Variants in ACSS1 observed in about 807,000 individuals in gnomAD.
ACSS1 encodes the protein acetyl-coenzyme A synthetase 2-like, mitochondrial.
A neutral mutation model predicts 75.3 loss-of-function variants in ACSS1; 42 were observed. The observed-to-expected ratio is 0.56, with a 90% CI of 0.44 to 0.72. The LOEUF (loss-of-function observed/expected upper bound fraction) is 0.72, where lower values mean the gene tolerates loss of function less well. ACSS1 is among the 30% of genes least tolerant of loss of function. The probability of loss-of-function intolerance (pLI) is 0.00; values close to 1 mark genes in which losing one functional copy is unlikely to be tolerated. For synonymous variants in ACSS1, 380 were observed against 376.8 expected (o/e 1.01, Z -0.10); for missense variants, 782 against 935.7 (o/e 0.84, Z 2.14).
In ACSS1 at chr20:25,023,204, G is replaced by A. The variant is rs577790179; in HGVS notation, c.808-112C>T. On this transcript the variant is annotated intron_variant, in intron 4 of 13. Transcript: ENST00000323482. ...ACAGGATTCAGAATTCACCTGCTCT[G>A]ACCTGTCCAAGTTCAATTCCAAATG... 239 of 1,364,394 alleles carry A rather than the reference G, an allele frequency of 1.8e-4. 4 individuals carry two copies. In the South Asian group the frequency reaches 2.8e-3, roughly 16 times the overall value. 84.5% of individuals were successfully genotyped at this position (1,364,394 alleles called of 1,614,324 possible). A position where few individuals can be genotyped will look rare whatever the true frequency, so the allele number is the denominator to read the frequency against.
intron 5 of ACSS1, among the ~76,000 whole-genome samples, 197 bp downstream of exon 5, chr20:25,022,743 G>A (rs185836477): frequency 1.0e-4 from 16 of 152,384 alleles, no homozygotes; most frequent in African/African-American, 3.4e-4. Context: ...TCCAGACAGT[G>A]CAGTGGGGGC....
At chr20:25,041,184 G>A (rs1360332425) in intron 2 of ACSS1, among the ~76,000 whole-genome samples, 1 of 151,354 alleles carries the variant, frequency 6.6e-6, no homozygotes, top group Non-Finnish European at 1.5e-5. Flanking sequence ...CGTGAACCCA[G>A]GAGGCGGAGC....
chr20:25,021,503 C>T lies in ACSS1; in HGVS notation c.994G>A (p.Gly332Ser), dbSNP rs1220392279. 6.2e-7 allele frequency: 1 copy of T among 1,614,172 alleles called. No individual in the cohort carries two copies. The highest frequency in any genetic ancestry group is 1.7e-5 in the Admixed American group (1 of 60,018). Residue 332 changes from glycine to serine, a missense_variant, in exon 6 of 14, where the codon GGC becomes AGC. Gly to Ser is a moderately conservative substitution (Grantham distance 56). Around this residue, in one of 2 missense-constraint regions of ACSS1, gnomAD observed 405 missense variants for 552.6 expected, o/e 0.73. Transcript: ENST00000323482. ...ATCCAACCGATGTCGGCCACACAGCCAAAGATGTCACCTGGCTGGTGGTCA... is the reference window on the plus strand; with the variant it reads ...ATCCAACCGATGTCGGCCACACAGCTAAAGATGTCACCTGGCTGGTGGTCA... ...VFDHQPGDIF[G>S]CVADIGWITG... is the part of the protein sequence containing the mutation.
chr20:25,013,834 G>A (rs2088465965), intron 9 of ACSS1, 127 bp downstream of exon 9: 1 of 1,331,534 alleles, frequency 7.5e-7, no homozygotes. Context: ...CAGCTGCAGT[G>A]AACGCTGCAA....
At chr20:25,050,873 C>T (rs912323066) in intron 1 of ACSS1, among the ~76,000 whole-genome samples, 3 of 152,164 alleles carry the variant, frequency 2.0e-5, no homozygotes, top group Non-Finnish European at 4.4e-5. Context: ...GGATGGACAG[C>T]ACCCAGGTGC....
chr20:25,053,996 A>G (rs1399394529), intron 1 of ACSS1, among the ~76,000 whole-genome samples: 2 of 152,296 alleles, frequency 1.3e-5, no homozygotes, highest in Admixed American at 6.5e-5. Context: ...TACAAAGGAC[A>G]GAGCCAAATT....
In ACSS1 at chr20:25,007,899, G is replaced by T. The variant is rs537540975; in HGVS notation, c.1933C>A (p.Arg645=). Residue 645 remains arginine (R), a synonymous_variant, in exon 14 of 14, where the codon CGG becomes AGG. Transcript: ENST00000323482. ...LPKTRSGKVM[R]RLLRKIITSE... ...GTGATGATCTTCCTCAGGAGCCGCC[G>T]CATGACCTTCCCAGACCTGGTTTTT... 3.1e-6 allele frequency: 5 copies of T among 1,614,192 alleles called. No homozygotes were observed. The highest frequency in any genetic ancestry group is 4.2e-6 in the Non-Finnish European group (5 of 1,180,026).
chr20:25,019,724 G>T (rs953938312), intron 7 of ACSS1, among the ~76,000 whole-genome samples: 6 of 152,218 alleles, frequency 3.9e-5, no homozygotes, highest in African/African-American at 1.4e-4. Context: ...TATTGAGTGG[G>T]TAAGTATTCC....
At chr20:25,036,384 G>T (rs1264999975) in intron 2 of ACSS1, among the ~76,000 whole-genome samples, 1 of 152,102 alleles carries the variant, frequency 6.6e-6, no homozygotes, top group African/African-American at 2.4e-5. Flanking sequence ...AAGTAATTGT[G>T]ACCAACACGA....
At chr20:25,012,110 G>GCT (rs1161909588) in intron 12 of ACSS1, 2 of 164,990 alleles carry the variant, frequency 1.2e-5, no homozygotes, top group African/African-American at 4.8e-5. Context: ...CTGTGCAGTG[G>GCT]GAACCACAGG....
At chr20:25,032,539 G>A (rs1213814597) in intron 2 of ACSS1, 2 of 1,252,650 alleles carry the variant, frequency 1.6e-6, no homozygotes, top group Non-Finnish European at 2.0e-6. Context: ...ACAGAACGAA[G>A]AATGAGGGGA....
intron 3 of ACSS1, among the ~76,000 whole-genome samples, chr20:25,027,758 G>A (rs1411884828): frequency 7.5e-6 from 1 of 133,028 alleles, no homozygotes; most frequent in Non-Finnish European, 1.6e-5. Flanking sequence ...TGTAAACAAA[G>A]TTGTTGCCAG....
chr20:25,056,120 A>G (rs1217808343), intron 1 of ACSS1, among the ~76,000 whole-genome samples: 2 of 152,214 alleles, frequency 1.3e-5, no homozygotes, highest in Non-Finnish European at 2.9e-5. Flanking sequence ...CCTGATCCTG[A>G]CCGAGCGAGG....
intron 12 of ACSS1, 92 bp from the exon 13 acceptor site, chr20:25,009,480 C>T (rs2088369159): frequency 8.7e-6 from 9 of 1,029,098 alleles, no homozygotes; most frequent in Middle Eastern, 2.2e-4. Context: ...GCCAGAAATC[C>T]GAAGGGCTTT....
At chr20:25,021,663 T>A (rs2088627870) in intron 5 of ACSS1, 127 bp from the exon 6 acceptor site, 1 of 1,214,962 alleles carries the variant, frequency 8.2e-7, no homozygotes, top group East Asian at 2.5e-5. Flanking sequence ...GCTCCTCAAA[T>A]GGCCTCCAGC....
Position 25,057,777 on chromosome 20 carries a change from T to C in ACSS1, c.326A>G (p.Asn109Ser), listed in dbSNP as rs2089264756. 6.3e-7 allele frequency: 1 copy of C among 1,580,212 alleles called. No individual in the cohort carries two copies. Among genetic ancestry groups the C allele is most frequent in the Non-Finnish European group, 8.6e-7 (1 of 1,156,254 alleles). The change falls in exon 1 of 14, where the codon AAT becomes AGT. Residue 109 changes from asparagine (N) to serine (S), a missense_variant. Coordinates refer to ENST00000323482, the MANE Select transcript of ACSS1 (RefSeq NM_032501.4). ...KIGWFLGGQL[N>S]VSVNCLDQHV... ...TCCCGAAGCCCACTCACCAGAGACA[T>C]TTAACTGGCCTCCCAGGAACCAGCC...
At chr20:25,045,420 CT>C (rs2089071620) in intron 2 of ACSS1, among the ~76,000 whole-genome samples, 1 of 152,230 alleles carries the variant, frequency 6.6e-6, no homozygotes, top group Non-Finnish European at 1.5e-5. Context: ...TCACCTGTGC[CT>C]AAGGTCACGG....
chr20:25,009,236 A>G, intron 13 of ACSS1, 34 bp downstream of exon 13: 1 of 1,500,964 alleles, frequency 6.7e-7, no homozygotes, highest in Non-Finnish European at 9.3e-7. Context: ...GAAGAACAGC[A>G]GCACAGCCCC....
chr20:25,037,526 A>G (rs958217434), intron 2 of ACSS1, among the ~76,000 whole-genome samples: 1 of 152,194 alleles, frequency 6.6e-6, no homozygotes, highest in Non-Finnish European at 1.5e-5. Context: ...GACACAAAGC[A>G]TTTCCTCAGG....
Sources: gnomAD v4.1 joint callset for allele counts (sites outside exome capture counted in the v4.1 genomes callset) on GRCh38, gnomAD v4.1.1 for gene constraint, gnomAD v4.1.1 regional missense constraint, MANE v1.5 for transcripts, NCBI Gene and HGNC (gene_info 2026-07-23, HGNC 2026-07-21) for gene names.